Variants in ANKRD44 observed in about 807,000 individuals in gnomAD.
ANKRD44 encodes the protein ankyrin repeat domain 44.
Under a neutral mutation model 116.0 loss-of-function variants are expected in ANKRD44, and 35 were observed. The observed-to-expected ratio is 0.30, with a 90% CI of 0.23 to 0.40. The LOEUF (loss-of-function observed/expected upper bound fraction) is 0.40, where lower values mean the gene tolerates loss of function less well. ANKRD44 is among the 10% of genes least tolerant of loss of function. The probability of loss-of-function intolerance (pLI) is 1.00; values close to 1 mark genes in which losing one functional copy is unlikely to be tolerated. For synonymous variants in ANKRD44, 435 were observed against 461.8 expected (o/e 0.94, Z 0.74); for missense variants, 1,014 against 1,242.6 (o/e 0.82, Z 2.77).
intron 2 of ANKRD44, among the ~76,000 whole-genome samples, chr2:197,152,672 A>T (rs1342719028): frequency 6.6e-6 from 1 of 152,258 alleles, no homozygotes; most frequent in Admixed American, 6.5e-5. Context: ...TGAGTTTGAC[A>T]TGGGCAGAGA....
intron 16 of ANKRD44, among the ~76,000 whole-genome samples, chr2:197,064,368 C>T (rs1320187772): frequency 2.0e-5 from 3 of 152,196 alleles, no homozygotes; most frequent in Non-Finnish European, 4.4e-5. Flanking sequence ...TAAAGACCAT[C>T]AATGCTAGGA....
At chr2:197,210,575 T>C (rs544622634) in intron 1 of ANKRD44, among the ~76,000 whole-genome samples, 1 of 152,326 alleles carries the variant, frequency 6.6e-6, no homozygotes, top group South Asian at 2.1e-4. Flanking sequence ...GGCCAATGCC[T>C]ATCTGACTCT....
chr2:197,183,746 A>G lies in ANKRD44; in HGVS notation c.111+3277T>C, dbSNP rs548012745. ...CCCAAAAAGTGGTAACATCAACCTAAGAACTCAGGCCCTCCTTGTGTTCTT... is the reference window on the plus strand; with the variant it reads ...CCCAAAAAGTGGTAACATCAACCTAGGAACTCAGGCCCTCCTTGTGTTCTT... On this transcript the variant is annotated intron_variant, in intron 2 of 27. Coordinates refer to ENST00000282272, the MANE Select transcript of ANKRD44 (RefSeq NM_001195144.2). 2.4e-4 allele frequency among the ~76,000 whole-genome samples: 36 copies of G among 152,290 alleles called. No homozygotes were observed. The South Asian group carries it at 7.2e-3, about 31-fold the overall frequency.
intron 2 of ANKRD44, among the ~76,000 whole-genome samples, chr2:197,182,645 G>A (rs1166139646): frequency 6.6e-6 from 1 of 151,504 alleles, no homozygotes; most frequent in Non-Finnish European, 1.5e-5. Flanking sequence ...ATTGGTTCCA[G>A]GACCCCCACA....
chr2:197,052,300 C>G (rs966141576), intron 16 of ANKRD44, among the ~76,000 whole-genome samples: 1 of 152,290 alleles, frequency 6.6e-6, no homozygotes, highest in South Asian at 2.1e-4. Flanking sequence ...AATAACTTTA[C>G]GAATAGCCTT....
At chr2:197,088,189 A>G (rs1481376278) in intron 12 of ANKRD44, among the ~76,000 whole-genome samples, 1 of 152,170 alleles carries the variant, frequency 6.6e-6, no homozygotes, top group Non-Finnish European at 1.5e-5. Flanking sequence ...TCTCTTTACA[A>G]CTTTAAAAAA....
downstream of ANKRD44, among the ~76,000 whole-genome samples, chr2:196,985,011 C>A (rs1193172140): frequency 6.6e-6 from 1 of 152,194 alleles, no homozygotes; most frequent in Non-Finnish European, 1.5e-5. Flanking sequence ...TTGCAAAAAT[C>A]TGTGACTCTG....
intron 12 of ANKRD44, 29 bp downstream of exon 12, chr2:197,088,682 T>C: frequency 1.1e-5 from 17 of 1,518,940 alleles, no homozygotes; most frequent in Middle Eastern, 3.4e-4. Flanking sequence ...TAGTAACTCA[T>C]AAATTAACTA....
At chr2:197,229,914 G>A (rs2125760217) in intron 1 of ANKRD44, among the ~76,000 whole-genome samples, 1 of 152,238 alleles carries the variant, frequency 6.6e-6, no homozygotes, top group African/African-American at 2.4e-5. Flanking sequence ...CATATCTTGG[G>A]AGTGAATAAT....
intron 9 of ANKRD44, among the ~76,000 whole-genome samples, chr2:197,109,316 A>C (rs2078511281): frequency 6.6e-6 from 1 of 152,240 alleles, no homozygotes; most frequent in Admixed American, 6.5e-5. Flanking sequence ...AAAATAAAAC[A>C]CGGTGGCCTT....
At chr2:197,115,569 T>C (rs987586548) in intron 8 of ANKRD44, among the ~76,000 whole-genome samples, 3 of 152,232 alleles carry the variant, frequency 2.0e-5, no homozygotes, top group African/African-American at 7.2e-5. Context: ...ATCTTTTAGT[T>C]GCTCATGAAG....
Position 196,988,422 on chromosome 2 carries a change from C to A in ANKRD44, c.*1169G>T, listed in dbSNP as rs953647484. On this transcript the variant is annotated 3_prime_UTR_variant, in exon 28 of 28. Transcript: ENST00000282272. Reference sequence around the variant, plus strand: ...GGACAGAAGGTGGGAAGCACAACACCAAGAATTCAAAAAAACAATGGTGGT... The same window carrying A: ...GGACAGAAGGTGGGAAGCACAACACAAAGAATTCAAAAAAACAATGGTGGT... 5.1e-6 allele frequency: 5 copies of A among 985,272 alleles called. No homozygotes were observed. Among genetic ancestry groups the A allele is most frequent in the Non-Finnish European group, 6.0e-6 (5 of 829,876 alleles). The allele number at this position is 985,272 out of a possible 1,614,324, so 61.0% of individuals were successfully genotyped here. A position where few individuals can be genotyped will look rare whatever the true frequency, so the allele number is the denominator to read the frequency against.
intron 4 of ANKRD44, among the ~76,000 whole-genome samples, chr2:197,130,671 C>T (rs917235214): frequency 2.0e-5 from 3 of 152,164 alleles, no homozygotes; most frequent in Non-Finnish European, 2.9e-5. Context: ...ATATTCTACA[C>T]ATGAACAACT....
At chr2:197,163,023 G>T (rs1173436408) in intron 2 of ANKRD44, among the ~76,000 whole-genome samples, 4 of 151,940 alleles carry the variant, frequency 2.6e-5, no homozygotes, top group African/African-American at 9.7e-5. Context: ...CAATGGCTTG[G>T]TTTTTTTTGT....
At chr2:197,238,403 T>C (rs1479803747) in intron 1 of ANKRD44, among the ~76,000 whole-genome samples, 1 of 152,218 alleles carries the variant, frequency 6.6e-6, no homozygotes, top group Non-Finnish European at 1.5e-5. Flanking sequence ...GAACATTGCC[T>C]AGTCAACTGG....
chr2:197,022,046 G>C (rs1239908195), intron 17 of ANKRD44, among the ~76,000 whole-genome samples: 5 of 152,182 alleles, frequency 3.3e-5, no homozygotes, highest in Non-Finnish European at 2.9e-5. Context: ...CATTCAGCCA[G>C]GAAATAGTAA....
At chr2:197,016,943 G>A (rs1039438742) in intron 17 of ANKRD44, among the ~76,000 whole-genome samples, 4 of 151,844 alleles carry the variant, frequency 2.6e-5, no homozygotes, top group South Asian at 2.1e-4. Context: ...AGGAAAATAC[G>A]CAAAAGGCAT....
chr2:197,179,083 T>C (rs1307282456), intron 2 of ANKRD44, among the ~76,000 whole-genome samples: 1 of 150,260 alleles, frequency 6.7e-6, no homozygotes, highest in Non-Finnish European at 1.5e-5. Context: ...AAAAAAAAAA[T>C]GCATCCTTTA....
chr2:197,164,435 G>A (rs1256390814), intron 2 of ANKRD44, among the ~76,000 whole-genome samples: 1 of 152,208 alleles, frequency 6.6e-6, no homozygotes, highest in Non-Finnish European at 1.5e-5. Context: ...TGTTCTCTGG[G>A]GGCGGCCACA....
Sources: allele counts gnomAD v4.1 joint callset (sites outside exome capture counted in the v4.1 genomes callset), GRCh38; gene constraint gnomAD v4.1.1; transcripts MANE v1.5; gene names NCBI Gene and HGNC (gene_info 2026-07-23, HGNC 2026-07-21).